SLC7A6: variants seen among roughly 807,000 people sequenced by gnomAD.
SLC7A6 encodes the protein Y+L amino acid transporter 2.
A neutral mutation model predicts 46.6 loss-of-function variants in SLC7A6; 29 were observed. The ratio of observed to expected loss-of-function variants is 0.62; its 90% CI spans 0.46 to 0.85. SLC7A6 has a LOEUF of 0.85. Among genes scored for constraint, SLC7A6 ranks in the 40% least tolerant of loss-of-function variants. SLC7A6 has a pLI of 0.00. For synonymous variants in SLC7A6, 276 were observed against 257.3 expected (o/e 1.07, Z -0.70); for missense variants, 527 against 647.6 (o/e 0.81, Z 2.02).
intron 7 of SLC7A6, 128 bp downstream of exon 7, chr16:68,291,789 G>GTGTGTGTGTGTGTGTGTGTC (rs2043057978): frequency 1.4e-6 from 1 of 726,510 alleles, no homozygotes; most frequent in Admixed American, 2.5e-5. Context: ...GTGTGTGTGT[G>GTGTGTGTGTGTGTGTGTGTC]TGTGTGTGTG....
At chr16:68,281,585 AG>A (rs2042830535) in intron 3 of SLC7A6, among the ~76,000 whole-genome samples, 1 of 152,210 alleles carries the variant, frequency 6.6e-6, no homozygotes, top group Non-Finnish European at 1.5e-5. Flanking sequence ...GACTGAACTC[AG>A]TAAGTTTAGG....
At position 68,297,292 on chromosome 16, in the gene SLC7A6, A is replaced by G; in HGVS notation, c.1512A>G (p.Val504=). The change falls in exon 11 of 11, where the codon GTA becomes GTG. Residue 504 remains valine, a synonymous_variant. Transcript: ENST00000219343. ...TTTGTGTCCTGACTGAGCTTGATGT[A>G]GCCGAAGAAAAAAAGGATGAGAGGA... is the stretch of plus-strand genomic sequence containing the variant. ...LCFCVLTELD[V]AEEKKDERKT... is the part of the protein sequence containing the mutation. 3 of 1,614,156 alleles carry G rather than the reference A, an allele frequency of 1.9e-6. No individual in the cohort carries two copies. Among genetic ancestry groups the G allele is most frequent in the Non-Finnish European group, 2.5e-6 (3 of 1,180,016 alleles).
chr16:68,280,013 A>G (rs2042799898), intron 3 of SLC7A6, among the ~76,000 whole-genome samples: 1 of 152,208 alleles, frequency 6.6e-6, no homozygotes, highest in Non-Finnish European at 1.5e-5. Context: ...CGACTAGGGT[A>G]GGCTTTAGGG....
intron 2 of SLC7A6, among the ~76,000 whole-genome samples, chr16:68,271,945 G>A (rs1372587564): frequency 2.0e-5 from 3 of 152,010 alleles, no homozygotes; most frequent in Non-Finnish European, 4.4e-5. Flanking sequence ...GGGACTACAA[G>A]TGCATGCCAC....
At position 68,270,355 on chromosome 16, in the gene SLC7A6, A is replaced by G. The variant is rs1034783055; in HGVS notation, c.-37+3634A>G. ...GGCATAGAGGTTTTTTTTTTCTTTT[A>G]TCCTGCCCCAGCTGCCTCAGGAGTG... On this transcript the variant is annotated intron_variant, in intron 2 of 10. Coordinates refer to ENST00000219343, the MANE Select transcript of SLC7A6 (RefSeq NM_003983.6). 4.0e-5 allele frequency among the ~76,000 whole-genome samples: 6 copies of G among 149,776 alleles called. No individual in the cohort carries two copies. The East Asian group carries it at 1.2e-3, about 29-fold the overall frequency.
chr16:68,274,839 C>T lies in SLC7A6; in HGVS notation c.113C>T (p.Thr38Ile). 6.2e-7 allele frequency: 1 copy of T among 1,614,230 alleles called. No individual in the cohort carries two copies. The highest frequency in any genetic ancestry group is 1.1e-5 in the South Asian group (1 of 91,086). The change falls in exon 3 of 11, where the codon ACT (threonine) becomes ATT (isoleucine). Residue 38 changes from threonine (T) to isoleucine (I), a missense_variant. Physicochemically the swap from Thr to Ile is moderately conservative, Grantham distance 89. Coordinates refer to ENST00000219343, the MANE Select transcript of SLC7A6 (RefSeq NM_003983.6). Reference sequence around the variant, plus strand: ...TCGCCACCTCAAAGGTCCTCCGAAACTATGCAGCTGAAGAAGGAGATCTCC... The same window carrying T: ...TCGCCACCTCAAAGGTCCTCCGAAATTATGCAGCTGAAGAAGGAGATCTCC... ...VSSPPQRSSE[T>I]MQLKKEISLL...
At chr16:68,287,454 C>T (rs1333012961) in intron 3 of SLC7A6, 1 of 1,337,614 alleles carries the variant, frequency 7.5e-7, no homozygotes, top group Non-Finnish European at 9.8e-7. Context: ...AATCACCCAT[C>T]CCTGGGCCTG....
chr16:68,294,502 G>A (rs1281080984), intron 7 of SLC7A6, among the ~76,000 whole-genome samples: 2 of 151,992 alleles, frequency 1.3e-5, no homozygotes, highest in Admixed American at 6.6e-5. Flanking sequence ...TGAGGTGCCC[G>A]GGGATGAAGA....
intron 10 of SLC7A6, 86 bp downstream of exon 10, chr16:68,296,896 A>C: frequency 7.0e-7 from 1 of 1,437,258 alleles, no homozygotes; most frequent in Admixed American, 2.1e-5. Context: ...GCTTCCCCAT[A>C]CTCAGAATTT....
chr16:68,297,512 C>G lies in SLC7A6; in HGVS notation c.*184C>G. On this transcript the variant is annotated 3_prime_UTR_variant, in exon 11 of 11. Transcript: ENST00000219343. ...GGAGACTCAGGATCTGGGCCAACCT[C>G]AAGGTGGGGGCTTCAGAGGGTGGGG... is the stretch of plus-strand genomic sequence containing the variant. The G allele has an allele frequency of 2.7e-6, 1 of 374,896 alleles. No homozygotes were observed. The highest frequency in any genetic ancestry group is 8.4e-5 in the South Asian group (1 of 11,902). 23.2% of individuals were successfully genotyped at this position (374,896 alleles called of 1,614,324 possible). A position where few individuals can be genotyped will look rare whatever the true frequency, so the allele number is the denominator to read the frequency against.
intron 2 of SLC7A6, 60 bp downstream of exon 2, chr16:68,266,781 G>A (rs532572049): frequency 1.3e-5 from 2 of 152,100 alleles, no homozygotes; most frequent in South Asian, 4.1e-4. Flanking sequence ...GTTTTTACTT[G>A]TATACAGTGT....
intron 3 of SLC7A6, chr16:68,287,517 A>T (rs1219869980): frequency 7.1e-6 from 10 of 1,414,468 alleles, no homozygotes; most frequent in Middle Eastern, 1.9e-4. Flanking sequence ...GTATGTGTTC[A>T]CGCATGCCTT....
At chr16:68,277,532 C>T (rs983976781) in intron 3 of SLC7A6, among the ~76,000 whole-genome samples, 4 of 151,732 alleles carry the variant, frequency 2.6e-5, no homozygotes, top group Non-Finnish European at 4.4e-5. Flanking sequence ...AGGATGGTCT[C>T]GATGTCCTGA....
chr16:68,291,428 AG>A, intron 6 of SLC7A6, 96 bp downstream of exon 6: 1 of 1,580,120 alleles, frequency 6.3e-7, no homozygotes, highest in South Asian at 1.1e-5. Flanking sequence ...TCAGCTCTGC[AG>A]GATGAGGTCA....
chr16:68,276,147 G>A (rs1323178872), intron 3 of SLC7A6, among the ~76,000 whole-genome samples: 1 of 152,158 alleles, frequency 6.6e-6, no homozygotes, highest in Non-Finnish European at 1.5e-5. Context: ...TCTTCCTAGT[G>A]TATCAGACTT....
chr16:68,301,266 A>C lies in SLC7A6; in HGVS notation c.*3938A>C, dbSNP rs1438991060. 6.2e-6 allele frequency: 10 copies of C among 1,613,806 alleles called. No individual in the cohort carries two copies. The highest frequency in any genetic ancestry group is 8.5e-6 in the Non-Finnish European group (10 of 1,179,854). ...CATGTGGCAGAACCTCATGGACATCACAAGACCATCAGTCTGAATCCAGGT... is the reference window on the plus strand; with the variant it reads ...CATGTGGCAGAACCTCATGGACATCCCAAGACCATCAGTCTGAATCCAGGT... On this transcript the variant is annotated 3_prime_UTR_variant, in exon 11 of 11. Coordinates refer to ENST00000219343, the MANE Select transcript of SLC7A6 (RefSeq NM_003983.6).
chr16:68,270,801 G>A (rs2042611161), intron 2 of SLC7A6, among the ~76,000 whole-genome samples: 1 of 152,040 alleles, frequency 6.6e-6, no homozygotes, highest in Non-Finnish European at 1.5e-5. Context: ...CACTGGAGTG[G>A]GAATGTGCTA....
chr16:68,294,630 T>C (rs2043125637), intron 7 of SLC7A6, 75 bp from the exon 8 acceptor site: 1 of 1,085,282 alleles, frequency 9.2e-7, no homozygotes, highest in Admixed American at 1.7e-5. Flanking sequence ...TGAGCTGAGT[T>C]TGTCCAAGTG....
chr16:68,290,978 CATTGGTCCTACTGTGGCAAAG>C, intron 5 of SLC7A6: 1 of 544,366 alleles, frequency 1.8e-6, no homozygotes. Context: ...CAGTAGGACC[CATTGGTCCTACTGTGGCAAAG>C]ATTAAATATT....
Sources: gnomAD v4.1 joint callset for allele counts (sites outside exome capture counted in the v4.1 genomes callset) on GRCh38, gnomAD v4.1.1 for gene constraint, MANE v1.5 for transcripts, NCBI Gene and HGNC (gene_info 2026-07-23, HGNC 2026-07-21) for gene names.